FGF12: variants seen among roughly 807,000 people sequenced by gnomAD.
FGF12 encodes the protein fibroblast growth factor 12B.
FGF12 carries 14 observed loss-of-function variants against 23.6 expected under a neutral mutation model. The ratio of observed to expected loss-of-function variants is 0.59; its 90% CI spans 0.39 to 0.93. The LOEUF (loss-of-function observed/expected upper bound fraction) is 0.93. Ranked by LOEUF, FGF12 falls within the 40% of genes least tolerant of loss-of-function variation. The pLI, the probability that FGF12 is intolerant of heterozygous loss-of-function variation, is 0.00. For synonymous variants in FGF12, 62 were observed against 77.3 expected, an observed-to-expected ratio of 0.80 and a Z score of 1.04; for missense variants, 175 against 217.8, an observed-to-expected ratio of 0.80 and a Z score of 1.24.
At chr3:192,193,648 C>T (rs2108651334) in intron 4 of FGF12, among the ~76,000 whole-genome samples, 1 of 152,276 alleles carries the variant, frequency 6.6e-6, no homozygotes, top group South Asian at 2.1e-4. Flanking sequence ...TAGTCTCACC[C>T]TATGTCATCT....
intron 5 of FGF12, among the ~76,000 whole-genome samples, chr3:192,146,272 A>ATATTT (rs746233904): frequency 0.052 from 7,455 of 143,220 alleles, 275 homozygotes; most frequent in Middle Eastern, 0.084. Flanking sequence ...TAAAGTGTAT[A>ATATTT]TTTTTTTTTT....
At chr3:192,396,674 C>T (rs1720535982) in intron 2 of FGF12, among the ~76,000 whole-genome samples, 1 of 152,182 alleles carries the variant, frequency 6.6e-6, no homozygotes, top group Admixed American at 6.5e-5. Flanking sequence ...AGGCTAATGT[C>T]ACAGTTAGTC....
At chr3:192,396,703 T>C (rs570026476) in intron 2 of FGF12, among the ~76,000 whole-genome samples, 1 of 152,330 alleles carries the variant, frequency 6.6e-6, no homozygotes, top group East Asian at 1.9e-4. Flanking sequence ...GTGCAAGATA[T>C]ATAATGGCCT....
Position 192,600,171 on chromosome 3 carries a change from C to T in FGF12, c.13+127010G>A, listed in dbSNP as rs147520437. The stretch of plus-strand genomic sequence containing the variant: ...TCCTTCCCACAATGACTGTTCCTGG[C>T]GCCTTTGTCAAAAATTAAATGTTGG... On this transcript the variant is annotated intron_variant, in intron 2 of 5. Transcript: ENST00000445105. 7.7e-4 allele frequency among the ~76,000 whole-genome samples: 117 copies of T among 152,114 alleles called. 1 individual carries two copies. In the East Asian group the frequency reaches 0.01, roughly 13 times the overall value.
rs191124919 is a variant in FGF12 at position 192,565,368 on chromosome 3, G to A, written c.13+161813C>T. The stretch of plus-strand genomic sequence containing the variant: ...AATATTAGTTGAACACTAAATTATA[G>A]GCACTGATGTGAATTCGCTCATTTT... On this transcript the variant is annotated intron_variant, in intron 2 of 5. Transcript: ENST00000445105. Among the ~76,000 whole-genome samples the A allele has an allele frequency of 2.6e-4, 39 of 152,310 alleles. 1 individual carries two copies. The East Asian group carries it at 4.8e-3, about 19-fold the overall frequency.
At chr3:192,190,977 C>T (rs978275388) in intron 4 of FGF12, among the ~76,000 whole-genome samples, 14 of 152,010 alleles carry the variant, frequency 9.2e-5, no homozygotes, top group Non-Finnish European at 1.8e-4. Context: ...TTATTTCTGT[C>T]GATTTCTTTA....
At chr3:192,392,036 A>T (rs1205994717) in intron 2 of FGF12, among the ~76,000 whole-genome samples, 1 of 152,122 alleles carries the variant, frequency 6.6e-6, no homozygotes, top group African/African-American at 2.4e-5. Context: ...TTCCAAAGCC[A>T]CTCCCGACTT....
chr3:192,488,442 G>A (rs1464858217), intron 2 of FGF12, among the ~76,000 whole-genome samples: 5 of 151,908 alleles, frequency 3.3e-5, no homozygotes, highest in Admixed American at 6.6e-5. Flanking sequence ...CTTCTTGGAC[G>A]GAAAAGACAT....
chr3:192,249,379 C>T (rs376818931), intron 4 of FGF12, among the ~76,000 whole-genome samples: 78 of 152,234 alleles, frequency 5.1e-4, no homozygotes, highest in African/African-American at 1.8e-3. Flanking sequence ...CAAACAATTG[C>T]TCTGAATCAA....
intron 2 of FGF12, among the ~76,000 whole-genome samples, chr3:192,690,147 T>A (rs1717896026): frequency 6.6e-6 from 1 of 151,960 alleles, no homozygotes; most frequent in Non-Finnish European, 1.5e-5. Context: ...TTATAAGAAA[T>A]GCTAAAGAGA....
At chr3:192,442,779 T>C (rs1370647450) in intron 2 of FGF12, among the ~76,000 whole-genome samples, 2 of 151,508 alleles carry the variant, frequency 1.3e-5, no homozygotes, top group Non-Finnish European at 2.9e-5. Context: ...TGTTTTCAGA[T>C]AGAGAAATGG....
At chr3:192,266,025 T>G (rs1713056598) in intron 4 of FGF12, among the ~76,000 whole-genome samples, 1 of 152,158 alleles carries the variant, frequency 6.6e-6, no homozygotes, top group Non-Finnish European at 1.5e-5. Context: ...AAAAAGCACT[T>G]AATAAATTAA....
At chr3:192,516,130 C>T (rs1394007033) in intron 2 of FGF12, among the ~76,000 whole-genome samples, 1 of 146,882 alleles carries the variant, frequency 6.8e-6, no homozygotes, top group Non-Finnish European at 1.5e-5. Context: ...CTCACACACC[C>T]CCTGAGAGTT....
At chr3:192,273,735 A>ACTT (rs1314804651) in intron 4 of FGF12, among the ~76,000 whole-genome samples, 2 of 152,084 alleles carry the variant, frequency 1.3e-5, no homozygotes, top group Non-Finnish European at 2.9e-5. Context: ...CTCCCATAAA[A>ACTT]CTTCTTCTTT....
At chr3:192,721,140 A>G (rs1182788331) in intron 2 of FGF12, among the ~76,000 whole-genome samples, 1 of 152,216 alleles carries the variant, frequency 6.6e-6, no homozygotes, top group East Asian at 1.9e-4. Context: ...CGTGCAGTAT[A>G]CTTGCTGCTA....
At chr3:192,675,132 C>G (rs1459580525) in intron 2 of FGF12, among the ~76,000 whole-genome samples, 2 of 152,064 alleles carry the variant, frequency 1.3e-5, no homozygotes, top group South Asian at 2.1e-4. Context: ...GTGGTAGGAG[C>G]AAATCAGTTG....
intron 2 of FGF12, among the ~76,000 whole-genome samples, chr3:192,669,787 G>A (rs62294789): frequency 0.046 from 7,009 of 151,882 alleles, 214 homozygotes; most frequent in Middle Eastern, 0.085. Flanking sequence ...CATGACAGAT[G>A]ATGACATTGT....
At chr3:192,365,466 G>T (rs1718937107) in intron 2 of FGF12, among the ~76,000 whole-genome samples, 1 of 152,030 alleles carries the variant, frequency 6.6e-6, no homozygotes, top group African/African-American at 2.4e-5. Context: ...TAATGATATA[G>T]ATTCTTCATT....
intron 2 of FGF12, among the ~76,000 whole-genome samples, chr3:192,550,700 C>G (rs898480844): frequency 6.6e-6 from 1 of 151,698 alleles, no homozygotes; most frequent in Non-Finnish European, 1.5e-5. Context: ...AGGAGGTAAG[C>G]AGAAAAAGGT....
Sources: gnomAD v4.1 joint callset for allele counts (sites outside exome capture counted in the v4.1 genomes callset) on GRCh38, gnomAD v4.1.1 for gene constraint, MANE v1.5 for transcripts, NCBI Gene and HGNC (gene_info 2026-07-23, HGNC 2026-07-21) for gene names.